Variants in MAML2 observed in about 807,000 individuals in gnomAD.
The protein encoded by MAML2 is mastermind like transcriptional coactivator 2.
Under a neutral mutation model 96.1 loss-of-function variants are expected in MAML2, and 22 were observed. That is an observed-to-expected ratio of 0.23 (90% CI 0.16 to 0.33). The LOEUF is 0.33. Among genes scored for constraint, MAML2 ranks in the 10% least tolerant of loss-of-function variants. The pLI is 1.00. For missense variants in MAML2, 1,367 were observed against 1,392.4 expected (o/e 0.98, Z 0.29); for synonymous variants, 561 against 521.3 (o/e 1.08, Z -1.04).
intron 1 of MAML2, among the ~76,000 whole-genome samples, chr11:96,134,449 T>C (rs1860595742): frequency 6.6e-6 from 1 of 152,234 alleles, no homozygotes; most frequent in African/African-American, 2.4e-5. Flanking sequence ...TTCCTCCTTA[T>C]ACAACATTAG....
intron 1 of MAML2, among the ~76,000 whole-genome samples, chr11:96,298,414 T>G (rs929029124): frequency 6.6e-6 from 1 of 152,172 alleles, no homozygotes; most frequent in Non-Finnish European, 1.5e-5. Context: ...AGTTGAAGGT[T>G]AGCCTTGAAC....
intron 1 of MAML2, among the ~76,000 whole-genome samples, chr11:96,155,118 T>C (rs895996356): frequency 2.6e-5 from 4 of 152,308 alleles, no homozygotes; most frequent in African/African-American, 9.6e-5. Flanking sequence ...AATTGGGGAC[T>C]TCACTTGCCA....
chr11:96,286,796 G>C (rs1163083214), intron 1 of MAML2, among the ~76,000 whole-genome samples: 1 of 152,052 alleles, frequency 6.6e-6, no homozygotes, highest in Non-Finnish European at 1.5e-5. Flanking sequence ...TTCCATATAA[G>C]CTTCCTCATC....
At chr11:96,017,882 C>G (rs1858379802) in intron 2 of MAML2, among the ~76,000 whole-genome samples, 1 of 152,078 alleles carries the variant, frequency 6.6e-6, no homozygotes, top group Non-Finnish European at 1.5e-5. Context: ...AGGCAACTGT[C>G]AGAACTTTAG....
intron 1 of MAML2, among the ~76,000 whole-genome samples, chr11:96,157,661 T>C (rs1189307343): frequency 6.6e-6 from 1 of 152,232 alleles, no homozygotes; most frequent in Non-Finnish European, 1.5e-5. Flanking sequence ...TATGTATCTA[T>C]GATCTACCCA....
At chr11:96,210,952 C>T (rs1861962676) in intron 1 of MAML2, among the ~76,000 whole-genome samples, 2 of 152,066 alleles carry the variant, frequency 1.3e-5, no homozygotes, top group Admixed American at 1.3e-4. Flanking sequence ...TTCATATATG[C>T]ACTACTTCCA....
chr11:95,998,690 G>A (rs1250917813), intron 2 of MAML2, among the ~76,000 whole-genome samples: 1 of 152,048 alleles, frequency 6.6e-6, no homozygotes, highest in Non-Finnish European at 1.5e-5. Flanking sequence ...TTATTTCCTA[G>A]AATGGTCTCA....
intron 1 of MAML2, among the ~76,000 whole-genome samples, chr11:96,225,182 AG>A (rs1862194329): frequency 6.6e-6 from 1 of 152,188 alleles, no homozygotes; most frequent in Admixed American, 6.5e-5. Context: ...AACAAAATAG[AG>A]GGGAAGGAAG....
At chr11:96,308,954 A>C (rs1863502005) in intron 1 of MAML2, among the ~76,000 whole-genome samples, 1 of 152,224 alleles carries the variant, frequency 6.6e-6, no homozygotes, top group Non-Finnish European at 1.5e-5. Flanking sequence ...CTCTTGTCCA[A>C]ATGTAAAAAT....
intron 1 of MAML2, among the ~76,000 whole-genome samples, chr11:96,289,250 C>T (rs1309949823): frequency 6.6e-6 from 1 of 152,178 alleles, no homozygotes; most frequent in African/African-American, 2.4e-5. Context: ...TATGCAAAGT[C>T]TAAGTAATAC....
chr11:96,053,523 G>C (rs1249589446), intron 2 of MAML2, among the ~76,000 whole-genome samples: 4 of 152,142 alleles, frequency 2.6e-5, no homozygotes, highest in Non-Finnish European at 4.4e-5. Context: ...AGAGGGGAGA[G>C]ACTTATTATA....
rs751903916 is a variant in MAML2, at chr11:96,251,381, ATAGG to A, written c.513+89998_513+90001del. Among the ~76,000 whole-genome samples, 3 of 152,174 alleles carry A rather than the reference ATAGG, an allele frequency of 2.0e-5. 1 individual carries two copies. Among genetic ancestry groups the A allele is most frequent in the African/African-American group, 4.8e-5 (2 of 41,424 alleles). On this transcript the variant is annotated intron_variant, in intron 1 of 4. Transcript: ENST00000524717. ...TTCTCTAAGGTATTGGGATAATTAG[ATAGG>A]TAGGCCTGAGTTTTAATTATGTCTT...
chr11:96,129,942 G>C (rs1184780454), intron 1 of MAML2, among the ~76,000 whole-genome samples: 1 of 152,182 alleles, frequency 6.6e-6, no homozygotes, highest in Non-Finnish European at 1.5e-5. Context: ...TTCAGCCAAG[G>C]CTAAGAACTA....
intron 1 of MAML2, among the ~76,000 whole-genome samples, chr11:96,239,546 A>C (rs1214571300): frequency 6.9e-6 from 1 of 143,972 alleles, no homozygotes; most frequent in East Asian, 2.0e-4. Context: ...AGAGTTTCTA[A>C]ATTACTGTGA....
rs186341324 is a variant in MAML2 at position 96,073,886 on chromosome 11, G to A, written c.2139+18006C>T. ...TGCAGGCTAATGGTGTTCTGTGGAC[G>A]TGTGTTCATTTCTGAATAAGTTTTT... On this transcript the variant is annotated intron_variant, in intron 2 of 4. Transcript: ENST00000524717. Among the ~76,000 whole-genome samples, 409 of 152,196 alleles carry A rather than the reference G, an allele frequency of 2.7e-3. 3 individuals are homozygous for A. Among genetic ancestry groups the A allele is most frequent in the African/African-American group, 9.5e-3 (395 of 41,508 alleles).
At chr11:96,162,416 G>A (rs1412357784) in intron 1 of MAML2, among the ~76,000 whole-genome samples, 1 of 151,786 alleles carries the variant, frequency 6.6e-6, no homozygotes, top group African/African-American at 2.4e-5. Context: ...AGGTATTAGA[G>A]GTTAATAAAA....
At chr11:96,180,190 G>A (rs1861460374) in intron 1 of MAML2, among the ~76,000 whole-genome samples, 1 of 152,096 alleles carries the variant, frequency 6.6e-6, no homozygotes, top group Non-Finnish European at 1.5e-5. Flanking sequence ...AGTTTGTGAT[G>A]GATGGTGTTT....
In MAML2 at chr11:96,102,012, C is replaced by T. The variant is rs147419409; in HGVS notation, c.514-8495G>A. Reference sequence around the variant, plus strand: ...CTGTTTTCAGCCAGGCATGGTGGCTCATGCCTGTAATCCCAGCACTTTGGG... The same window carrying T: ...CTGTTTTCAGCCAGGCATGGTGGCTTATGCCTGTAATCCCAGCACTTTGGG... On this transcript the variant is annotated intron_variant, in intron 1 of 4. Transcript: ENST00000524717. Among the ~76,000 whole-genome samples the T allele has an allele frequency of 1.1e-3, 166 of 152,354 alleles. 2 individuals carry two copies. In the East Asian group the frequency reaches 0.021, roughly 19 times the overall value.
Position 96,093,532 on chromosome 11 carries a change from G to A in MAML2, c.514-15C>T, listed in dbSNP as rs761597797. On this transcript the variant is annotated splice_polypyrimidine_tract_variant and intron_variant, in intron 1 of 4. Transcript: ENST00000524717. ...GAACCCTGGAGCTGAAAGACAGAAG[G>A]GAATAAAAAGGAAAAATAAGAAATA... is the stretch of plus-strand genomic sequence containing the variant. 8 of 1,493,218 alleles carry A rather than the reference G, an allele frequency of 5.4e-6. No homozygotes were observed. The African/African-American group carries it at 5.6e-5, about 11-fold the overall frequency. 92.5% of individuals were successfully genotyped at this position (1,493,218 alleles called of 1,614,324 possible).
Sources: allele counts gnomAD v4.1 joint callset (sites outside exome capture counted in the v4.1 genomes callset), GRCh38; gene constraint gnomAD v4.1.1; transcripts MANE v1.5; gene names NCBI Gene and HGNC (gene_info 2026-07-23, HGNC 2026-07-21).